The following ANO3 variants were observed in gnomAD, a reference collection of about 807,000 sequenced individuals.
ANO3 encodes anoctamin-3.
A neutral mutation model predicts 144.8 loss-of-function variants in ANO3; 99 were observed. The observed-to-expected ratio is 0.68, with a 90% CI of 0.58 to 0.81. The LOEUF (loss-of-function observed/expected upper bound fraction) is 0.81, where lower values mean the gene tolerates loss of function less well. Ranked by LOEUF, ANO3 falls within the 30% of genes least tolerant of loss-of-function variation. The probability of loss-of-function intolerance (pLI) is 0.00; values close to 1 mark genes in which losing one functional copy is unlikely to be tolerated. For synonymous variants in ANO3, 414 were observed against 392.6 expected (o/e 1.05, Z -0.64); for missense variants, 905 against 1,202.2 (o/e 0.75, Z 3.66).
chr11:26,199,420 GC>G (rs1161792587), intron 1 of ANO3, among the ~76,000 whole-genome samples: 3 of 152,108 alleles, frequency 2.0e-5, no homozygotes, highest in Non-Finnish European at 4.4e-5. Context: ...TCTCAGATTG[GC>G]CAAGCCTGTC....
chr11:26,358,329 G>C (rs980225503), intron 1 of ANO3, among the ~76,000 whole-genome samples: 1 of 151,924 alleles, frequency 6.6e-6, no homozygotes, highest in African/African-American at 2.4e-5. Context: ...ACGCCACCAC[G>C]CACGGCTAAT....
chr11:26,550,748 C>T (rs11029610), intron 12 of ANO3, among the ~76,000 whole-genome samples: 7,972 of 152,014 alleles, frequency 0.052, 264 homozygotes, highest in Admixed American at 0.095. Flanking sequence ...GCAGACAGCA[C>T]TTCCAGATCA....
At chr11:26,383,073 A>C (rs190093542) in intron 1 of ANO3, among the ~76,000 whole-genome samples, 166 of 152,300 alleles carry the variant, frequency 1.1e-3, no homozygotes, top group African/African-American at 3.5e-3. Context: ...AGATGAAGTT[A>C]AGTCTGTATC....
chr11:26,643,911 G>A (rs962569503), intron 23 of ANO3, among the ~76,000 whole-genome samples: 7 of 152,162 alleles, frequency 4.6e-5, no homozygotes, highest in African/African-American at 1.7e-4. Context: ...CCCCTCCAGA[G>A]GATACAGCAG....
chr11:26,236,817 CAAAAAAA>C (rs55979503), intron 1 of ANO3, among the ~76,000 whole-genome samples: 1 of 86,754 alleles, frequency 1.2e-5, no homozygotes. Context: ...GACTCCGTCT[CAAAAAAA>C]AAAAAAAAAA....
chr11:26,364,819 G>C (rs1176648285), intron 1 of ANO3, among the ~76,000 whole-genome samples: 1 of 152,078 alleles, frequency 6.6e-6, no homozygotes, highest in Non-Finnish European at 1.5e-5. Context: ...TTTGGGCAGG[G>C]ACAAGTATTC....
intron 1 of ANO3, among the ~76,000 whole-genome samples, chr11:26,339,606 C>G (rs563427419): frequency 6.6e-6 from 1 of 152,160 alleles, no homozygotes; most frequent in Non-Finnish European, 1.5e-5. Flanking sequence ...TTGCTCTACA[C>G]CTTTTCCACA....
rs570078902 is a variant in ANO3, at chr11:26,394,819, G to A, written c.47-47099G>A. Among the ~76,000 whole-genome samples, 273 of 151,890 alleles carry A rather than the reference G, an allele frequency of 1.8e-3. 2 individuals carry two copies. Among genetic ancestry groups the A allele is most frequent in the Middle Eastern group, 3.4e-3 (1 of 294 alleles). ...TTGAACTCCTGACCTAAGGTGATCC[G>A]CCCACCTCAGCCACACAAAGTGCTG... On this transcript the variant is annotated intron_variant, in intron 1 of 26. Coordinates refer to ENST00000256737, the MANE Select transcript of ANO3 (RefSeq NM_031418.4).
intron 4 of ANO3, among the ~76,000 whole-genome samples, chr11:26,504,469 G>A (rs977267526): frequency 5.9e-5 from 9 of 151,950 alleles, no homozygotes; most frequent in African/African-American, 1.9e-4. Flanking sequence ...TCTTACCTTC[G>A]TAAACTTTAT....
chr11:26,373,597 C>A (rs1051787306), intron 1 of ANO3, among the ~76,000 whole-genome samples: 1 of 152,104 alleles, frequency 6.6e-6, no homozygotes, highest in Non-Finnish European at 1.5e-5. Context: ...CTAAATAGTT[C>A]TGGTTCTAAT....
intron 1 of ANO3, among the ~76,000 whole-genome samples, chr11:26,261,162 G>C (rs544589331): frequency 1.3e-5 from 2 of 152,116 alleles, no homozygotes; most frequent in South Asian, 4.2e-4. Flanking sequence ...TATTAAACTA[G>C]AACTGTCAGT....
chr11:26,634,426 AGTTGGC>A, intron 19 of ANO3, 111 bp downstream of exon 19: 2 of 665,822 alleles, frequency 3.0e-6, no homozygotes, highest in African/African-American at 3.6e-5. Flanking sequence ...CAGCAGCTAA[AGTTGGC>A]ACAAAAAAAT....
At chr11:26,225,099 A>G (rs1263597001) in intron 1 of ANO3, among the ~76,000 whole-genome samples, 1 of 152,200 alleles carries the variant, frequency 6.6e-6, no homozygotes, top group Non-Finnish European at 1.5e-5. Context: ...TTAAATCTGC[A>G]TAATCTTTTG....
intron 1 of ANO3, among the ~76,000 whole-genome samples, chr11:26,394,642 A>T (rs1365255941): frequency 7.1e-6 from 1 of 141,178 alleles, no homozygotes; most frequent in Non-Finnish European, 1.5e-5. Flanking sequence ...CAGTGGCGTG[A>T]TCACAGCTCA....
intron 1 of ANO3, among the ~76,000 whole-genome samples, chr11:26,317,309 T>C (rs953133571): frequency 7.2e-5 from 11 of 151,836 alleles, no homozygotes; most frequent in African/African-American, 2.4e-4. Flanking sequence ...GAAACTATCA[T>C]CAGAGTGAGC....
intron 4 of ANO3, among the ~76,000 whole-genome samples, chr11:26,499,117 A>C (rs117046047): frequency 0.022 from 3,389 of 151,998 alleles, 62 homozygotes; most frequent in Non-Finnish European, 0.036. Flanking sequence ...ATACTTGTTT[A>C]TATCTCATGA....
intron 1 of ANO3, among the ~76,000 whole-genome samples, chr11:26,218,847 T>C (rs1207574976): frequency 6.6e-6 from 1 of 152,158 alleles, no homozygotes; most frequent in African/African-American, 2.4e-5. Context: ...GAAAGAGAGA[T>C]AGTGTCCTGC....
At chr11:26,390,583 G>T (rs1227427089) in intron 1 of ANO3, among the ~76,000 whole-genome samples, 2 of 152,076 alleles carry the variant, frequency 1.3e-5, no homozygotes, top group Non-Finnish European at 2.9e-5. Context: ...TTATCTGAGA[G>T]ATGAAGCCAT....
chr11:26,371,624 C>T (rs941336842), intron 1 of ANO3, among the ~76,000 whole-genome samples: 8 of 152,228 alleles, frequency 5.3e-5, no homozygotes, highest in African/African-American at 1.9e-4. Context: ...TCCTGCAAAG[C>T]CACAAGGGAG....
Sources: gnomAD v4.1 joint callset for allele counts (sites outside exome capture counted in the v4.1 genomes callset) on GRCh38, gnomAD v4.1.1 for gene constraint, MANE v1.5 for transcripts, NCBI Gene and HGNC (gene_info 2026-07-23, HGNC 2026-07-21) for gene names.